The following RNLS variants were observed in gnomAD, a reference collection of about 807,000 sequenced individuals.
RNLS encodes renalase, FAD dependent amine oxidase.
Under a neutral mutation model 39.8 loss-of-function variants are expected in RNLS, and 39 were observed. The ratio of observed to expected loss-of-function variants is 0.98; its 90% CI spans 0.76 to 1.28. The LOEUF is 1.28. RNLS is among the 50% of genes most tolerant of loss of function. The pLI, the probability that RNLS is intolerant of heterozygous loss-of-function variation, is 0.00. For missense variants in RNLS, 410 were observed against 413.3 expected (o/e 0.99, Z 0.07); for synonymous variants, 147 against 150.7 (o/e 0.98, Z 0.18).
chr10:88,508,082 C>T lies in RNLS; in HGVS notation c.526+64821G>A, dbSNP rs529919929. On this transcript the variant is annotated intron_variant, in intron 4 of 6. Transcript: ENST00000331772. Reference sequence around the variant, plus strand: ...TTTTAAGTAAGCACTATGTTGAAAGCTTTTATTAGTAAGTCTCTTATCCTG... The same window carrying T: ...TTTTAAGTAAGCACTATGTTGAAAGTTTTTATTAGTAAGTCTCTTATCCTG... Among the ~76,000 whole-genome samples, 7 of 152,236 alleles carry T rather than the reference C, an allele frequency of 4.6e-5. No homozygotes were observed. In the East Asian group the frequency reaches 1.4e-3, roughly 29 times the overall value.
At chr10:88,447,747 A>C (rs1564807069) in intron 4 of RNLS, among the ~76,000 whole-genome samples, 1 of 152,308 alleles carries the variant, frequency 6.6e-6, no homozygotes, top group East Asian at 1.9e-4. Context: ...ATGCTACCTG[A>C]CTTCAAACTA....
intron 4 of RNLS, among the ~76,000 whole-genome samples, chr10:88,570,676 T>C (rs1195647943): frequency 6.6e-6 from 1 of 152,226 alleles, no homozygotes. Context: ...GGATGCTCTC[T>C]TGAAATTTAA....
At chr10:88,498,698 G>C (rs1845307028) in intron 4 of RNLS, among the ~76,000 whole-genome samples, 1 of 151,832 alleles carries the variant, frequency 6.6e-6, no homozygotes, top group South Asian at 2.1e-4. Flanking sequence ...ACACAATGGA[G>C]TATATACAGA....
intron 4 of RNLS, among the ~76,000 whole-genome samples, chr10:88,510,342 C>G (rs1846049384): frequency 6.6e-6 from 1 of 151,924 alleles, no homozygotes; most frequent in Admixed American, 6.6e-5. Flanking sequence ...TAGACAAAAA[C>G]TGAAACATAT....
intron 6 of RNLS, among the ~76,000 whole-genome samples, chr10:88,298,747 T>C (rs1459167322): frequency 1.3e-5 from 2 of 152,226 alleles, no homozygotes; most frequent in Non-Finnish European, 2.9e-5. Context: ...CAGTAAGATT[T>C]GAAAAGAGAA....
intron 6 of RNLS, among the ~76,000 whole-genome samples, chr10:88,310,925 C>T (rs1371416822): frequency 6.7e-6 from 1 of 150,100 alleles, no homozygotes; most frequent in Non-Finnish European, 1.5e-5. Flanking sequence ...TCTAATTGTA[C>T]TGTACAAGCT....
intron 4 of RNLS, among the ~76,000 whole-genome samples, chr10:88,560,133 C>G (rs982029045): frequency 5.9e-5 from 9 of 151,694 alleles, no homozygotes; most frequent in African/African-American, 2.2e-4. Flanking sequence ...TGGTTTTGAG[C>G]TGAGGTTGAA....
intron 4 of RNLS, among the ~76,000 whole-genome samples, chr10:88,430,239 G>C (rs1855053732): frequency 6.6e-6 from 1 of 151,614 alleles, no homozygotes; most frequent in African/African-American, 2.4e-5. Context: ...ATATTCCTAT[G>C]TTTCATTTTT....
intron 4 of RNLS, among the ~76,000 whole-genome samples, chr10:88,458,352 C>G (rs1026129073): frequency 1.3e-5 from 2 of 152,168 alleles, no homozygotes; most frequent in African/African-American, 4.8e-5. Flanking sequence ...AAGCAAGGAC[C>G]CTCACGCACA....
chr10:88,345,861 C>CTTT lies in RNLS; in HGVS notation c.700+16690_700+16691insAAA, dbSNP rs1191402174. Among the ~76,000 whole-genome samples the CTTT allele has an allele frequency of 1.7e-3, 252 of 152,202 alleles. 1 individual carries two copies. Among genetic ancestry groups the CTTT allele is most frequent in the African/African-American group, 5.9e-3 (247 of 41,556 alleles). On this transcript the variant is annotated intron_variant, in intron 5 of 6. Coordinates refer to ENST00000331772, the MANE Select transcript of RNLS (RefSeq NM_001031709.3). ...ATAAAGACAGCAATATCATATGCTT[C>CTTT]AACCTAATTCTAAGTGCTGAGTTAC...
chr10:88,378,062 A>G (rs556144964), intron 4 of RNLS, among the ~76,000 whole-genome samples: 46 of 152,256 alleles, frequency 3.0e-4, no homozygotes, highest in Non-Finnish European at 5.3e-4. Context: ...AGGGTCGTCA[A>G]TATCACTGTC....
chr10:88,403,876 T>C (rs968429716), intron 4 of RNLS, among the ~76,000 whole-genome samples: 10 of 151,366 alleles, frequency 6.6e-5, no homozygotes, highest in Non-Finnish European at 1.5e-4. Context: ...CTCTACAAAA[T>C]AAAACATAAA....
chr10:88,414,543 A>G (rs1040842490), intron 4 of RNLS, among the ~76,000 whole-genome samples: 3 of 152,188 alleles, frequency 2.0e-5, no homozygotes, highest in Admixed American at 6.6e-5. Flanking sequence ...GTGAAATCTG[A>G]AAATACATTT....
chr10:88,399,000 G>A (rs1447192752), intron 4 of RNLS, among the ~76,000 whole-genome samples: 1 of 151,786 alleles, frequency 6.6e-6, no homozygotes, highest in Admixed American at 6.6e-5. Flanking sequence ...TTTTTCCAAA[G>A]ATTATAAACA....
the RNLS span, among the ~76,000 whole-genome samples, chr10:88,264,982 G>A: frequency 1.3e-5 from 2 of 152,202 alleles, no homozygotes; most frequent in African/African-American, 4.8e-5. Context: ...TTCTGTTTAA[G>A]TCTTTGATCC....
At chr10:88,255,162 C>T in the RNLS span, among the ~76,000 whole-genome samples, 3 of 152,214 alleles carry the variant, frequency 2.0e-5, no homozygotes, top group Non-Finnish European at 2.9e-5. Flanking sequence ...TCTGCATGAT[C>T]CAGCCGTGGT....
At chr10:88,450,051 A>T (rs1842279659) in intron 4 of RNLS, among the ~76,000 whole-genome samples, 1 of 151,988 alleles carries the variant, frequency 6.6e-6, no homozygotes, top group Non-Finnish European at 1.5e-5. Flanking sequence ...AAAAAAAAAG[A>T]TCTGTAAGTT....
At chr10:88,307,300 A>T (rs1429798152) in intron 6 of RNLS, among the ~76,000 whole-genome samples, 4 of 152,214 alleles carry the variant, frequency 2.6e-5, no homozygotes, top group Non-Finnish European at 2.9e-5. Context: ...TATTCAACAT[A>T]ATATTGGAAG....
At chr10:88,559,764 T>C (rs1849070717) in intron 4 of RNLS, among the ~76,000 whole-genome samples, 2 of 152,044 alleles carry the variant, frequency 1.3e-5, no homozygotes, top group Non-Finnish European at 2.9e-5. Context: ...TCCAAGCAAG[T>C]ACCTGTTTGA....
Sources: gnomAD v4.1 joint callset for allele counts (sites outside exome capture counted in the v4.1 genomes callset) on GRCh38, gnomAD v4.1.1 for gene constraint, MANE v1.5 for transcripts, NCBI Gene and HGNC (gene_info 2026-07-23, HGNC 2026-07-21) for gene names.